The following LIMCH1 variants were observed in gnomAD, a reference collection of about 807,000 sequenced individuals.
The protein encoded by LIMCH1 is LIM and calponin homology domains 1, also known as LIM and calponin homology domains-containing protein 1.
Under a neutral mutation model 176.5 loss-of-function variants are expected in LIMCH1, and 113 were observed. That is an observed-to-expected ratio of 0.64 (90% confidence interval 0.55 to 0.75). LIMCH1 has a LOEUF of 0.75. LIMCH1 is among the 30% of genes least tolerant of loss of function. The pLI, the probability that LIMCH1 is intolerant of heterozygous loss-of-function variation, is 0.00. For missense variants in LIMCH1, 1,674 were observed against 1,814.9 expected (o/e 0.92, Z 1.41); for synonymous variants, 619 against 645.9 (o/e 0.96, Z 0.63).
chr4:41,388,633 A>G (rs1405806011), intron 1 of LIMCH1, among the ~76,000 whole-genome samples: 1 of 146,590 alleles, frequency 6.8e-6, no homozygotes, highest in Non-Finnish European at 1.5e-5. Context: ...TATGCAGGCT[A>G]TGCATCCATT....
intron 2 of LIMCH1, among the ~76,000 whole-genome samples, chr4:41,521,494 A>G (rs1324677674): frequency 6.6e-6 from 1 of 152,218 alleles, no homozygotes; most frequent in Non-Finnish European, 1.5e-5. Context: ...AGGATGGCAT[A>G]GTGGTTTTTA....
chr4:41,591,198 T>C (rs2087484639), intron 1 of LIMCH1, among the ~76,000 whole-genome samples: 1 of 152,026 alleles, frequency 6.6e-6, no homozygotes, highest in Non-Finnish European at 1.5e-5. Context: ...TTAAAATTTC[T>C]TTCTTTCTTT....
intron 3 of LIMCH1, among the ~76,000 whole-genome samples, chr4:41,604,997 A>G (rs2090502133): frequency 6.6e-6 from 1 of 152,138 alleles, no homozygotes; most frequent in Non-Finnish European, 1.5e-5. Context: ...TGAAGCGATA[A>G]GACAGAGTGT....
intron 1 of LIMCH1, among the ~76,000 whole-genome samples, chr4:41,412,480 T>C (rs1385166808): frequency 6.6e-6 from 1 of 152,114 alleles, no homozygotes; most frequent in African/African-American, 2.4e-5. Context: ...TTTATAGTCA[T>C]AGGGGGAAAT....
At chr4:41,522,287 A>C (rs1408759291) in intron 2 of LIMCH1, among the ~76,000 whole-genome samples, 1 of 152,258 alleles carries the variant, frequency 6.6e-6, no homozygotes, top group South Asian at 2.1e-4. Context: ...CCTCCAAAAT[A>C]TATTGTTAAG....
chr4:41,392,173 T>C (rs1035415577), intron 1 of LIMCH1, among the ~76,000 whole-genome samples: 1 of 152,150 alleles, frequency 6.6e-6, no homozygotes, highest in African/African-American at 2.4e-5. Context: ...AATACAGCAG[T>C]GAGAAAACAG....
intron 1 of LIMCH1, among the ~76,000 whole-genome samples, chr4:41,559,940 T>C (rs912745671): frequency 1.3e-5 from 2 of 152,246 alleles, no homozygotes; most frequent in South Asian, 4.1e-4. Context: ...CAAGTCCATA[T>C]GCCAAAAATT....
chr4:41,533,688 C>T (rs1322005735), upstream of LIMCH1, among the ~76,000 whole-genome samples: 2 of 152,116 alleles, frequency 1.3e-5, no homozygotes, highest in African/African-American at 4.8e-5. Context: ...GTAAGGTAGA[C>T]TGTGAAATGT....
chr4:41,464,764 T>C (rs1342313361), intron 1 of LIMCH1, among the ~76,000 whole-genome samples: 1 of 152,178 alleles, frequency 6.6e-6, no homozygotes, highest in African/African-American at 2.4e-5. Flanking sequence ...ACAATTGCAG[T>C]TTTACATTTG....
chr4:41,397,203 T>C (rs1025910107), intron 1 of LIMCH1, among the ~76,000 whole-genome samples: 11 of 152,206 alleles, frequency 7.2e-5, no homozygotes, highest in African/African-American at 2.7e-4. Flanking sequence ...CTTCCTTTGG[T>C]CATTGCTGTG....
intron 1 of LIMCH1, among the ~76,000 whole-genome samples, chr4:41,561,640 T>A (rs1403132107): frequency 6.6e-6 from 1 of 152,178 alleles, no homozygotes; most frequent in Non-Finnish European, 1.5e-5. Context: ...CTCTTGCTCT[T>A]CAGTTCATAT....
intron 18 of LIMCH1, among the ~76,000 whole-genome samples, chr4:41,658,235 T>C (rs1191247062): frequency 2.6e-5 from 4 of 152,214 alleles, no homozygotes; most frequent in Admixed American, 2.6e-4. Flanking sequence ...TGTGAGACGA[T>C]TCTTATGAAA....
At chr4:41,466,721 A>G (rs535055567) in intron 1 of LIMCH1, among the ~76,000 whole-genome samples, 2 of 152,252 alleles carry the variant, frequency 1.3e-5, no homozygotes, top group East Asian at 1.9e-4. Flanking sequence ...TTCTTTTACT[A>G]TTAAATTCCT....
rs543380792 is a variant in LIMCH1, at chr4:41,540,555, G to A, written c.-241+2205G>A. The stretch of plus-strand genomic sequence containing the variant: ...GGCGTTCGAGACCAGCCTGGCCAAC[G>A]TGGCGAAACTCTATCTCTACTAAAA... On this transcript the variant is annotated intron_variant, in intron 1 of 31. Transcript: ENST00000503057. 8.9e-4 allele frequency among the ~76,000 whole-genome samples: 135 copies of A among 152,162 alleles called. 1 individual carries two copies. The highest frequency in any genetic ancestry group is 1.5e-3 in the Non-Finnish European group (105 of 67,996).
chr4:41,600,372 C>T (rs1472383244), intron 2 of LIMCH1, among the ~76,000 whole-genome samples: 2 of 152,150 alleles, frequency 1.3e-5, no homozygotes, highest in African/African-American at 2.4e-5. Flanking sequence ...CATAGTTTCA[C>T]CCGGGTGGCA....
At chr4:41,686,944 T>G (rs1299922197) in intron 28 of LIMCH1, among the ~76,000 whole-genome samples, 1 of 152,224 alleles carries the variant, frequency 6.6e-6, no homozygotes, top group Non-Finnish European at 1.5e-5. Flanking sequence ...ATTATTGCAG[T>G]GATGTTTAAT....
In LIMCH1 at chr4:41,646,183, G is replaced by A. The variant is rs1275325105; in HGVS notation, c.2314G>A (p.Glu772Lys). The A allele has an allele frequency of 6.2e-7, 1 of 1,613,898 alleles. No individual in the cohort carries two copies. Among genetic ancestry groups the A allele is most frequent in the Non-Finnish European group, 8.5e-7 (1 of 1,179,900 alleles). ...TTCTCAGGACTTAATCAAGAAAGAGGAAGAAAGGAAAAAAATGGAGAAGTT... is the reference window on the plus strand; with the variant it reads ...TTCTCAGGACTTAATCAAGAAAGAGAAAGAAAGGAAAAAAATGGAGAAGTT... ...SVSQDLIKKE[E>K]ERKKMEKLLA... The change falls in exon 16 of 32, where the codon GAA becomes AAA. Residue 772 changes from glutamate (E) to lysine (K), a missense_variant. Around this residue, in one of 3 missense-constraint regions of LIMCH1, gnomAD observed 1,015 missense variants for 1,102.5 expected, o/e 0.92. Coordinates refer to ENST00000503057, the MANE Select transcript of LIMCH1 (RefSeq NM_001330672.2).
chr4:41,691,613 AAT>A (rs1184510840), intron 30 of LIMCH1, among the ~76,000 whole-genome samples: 2 of 150,684 alleles, frequency 1.3e-5, no homozygotes, highest in Admixed American at 6.6e-5. Context: ...AAAAAAAAAA[AAT>A]AGCCAGGCGT....
chr4:41,684,344 T>G, intron 26 of LIMCH1, 53 bp from the exon 27 acceptor site: 1 of 1,569,276 alleles, frequency 6.4e-7, no homozygotes, highest in Non-Finnish European at 8.7e-7. Context: ...ACCAAGAAGT[T>G]CGATTCAGTT....
Sources: allele counts gnomAD v4.1 joint callset (sites outside exome capture counted in the v4.1 genomes callset), GRCh38; gene constraint gnomAD v4.1.1; regional missense constraint gnomAD v4.1.1; transcripts MANE v1.5; gene names NCBI Gene and HGNC (gene_info 2026-07-23, HGNC 2026-07-21).